Variants in FAM200A observed in about 807,000 individuals in gnomAD.
FAM200A encodes the protein ZBED8 like, also known as protein FAM200A.
In FAM200A, 26 loss-of-function variants were observed where a neutral mutation model predicts 44.2. The ratio of observed to expected loss-of-function variants is 0.59; its 90% CI spans 0.43 to 0.82. The LOEUF is 0.82. Among genes scored for constraint, FAM200A ranks in the 40% least tolerant of loss-of-function variants. The pLI is 0.00. For missense variants in FAM200A, 606 were observed against 669.5 expected (o/e 0.91, Z 1.05); for synonymous variants, 206 against 244.4 (o/e 0.84, Z 1.47).
At position 99,548,172 on chromosome 7, in the gene FAM200A, G is replaced by T. The variant is rs139116248; in HGVS notation, c.236C>A (p.Thr79Lys). Residue 79 changes from threonine (T) to lysine (K), a missense_variant, in exon 2 of 2, where the codon ACA becomes AAA. Coordinates refer to ENST00000449309, the MANE Select transcript of FAM200A (RefSeq NM_145111.4). ...YRVAKEKMAH[T>K]AAEKIILPAC... Reference sequence around the variant, plus strand: ...TGGAAGGATAATTTTTTCAGCCGCTGTGTGAGCCATTTTCTCTTTTGCCAC... The same window carrying T: ...TGGAAGGATAATTTTTTCAGCCGCTTTGTGAGCCATTTTCTCTTTTGCCAC... The T allele has an allele frequency of 8.4e-6, 13 of 1,554,272 alleles. No individual in the cohort carries two copies. The highest frequency in any genetic ancestry group is 1.1e-5 in the Non-Finnish European group (13 of 1,148,158).
intron 1 of FAM200A, 94 bp from the exon 2 acceptor site, chr7:99,548,600 T>A: frequency 1.9e-6 from 2 of 1,072,130 alleles, no homozygotes; most frequent in Non-Finnish European, 2.6e-6. Context: ...AATCTAGTGG[T>A]GTGACATGGT....
chr7:99,556,343 G>A (rs1051163028), upstream of FAM200A, among the ~76,000 whole-genome samples: 1 of 152,038 alleles, frequency 6.6e-6, no homozygotes, highest in African/African-American at 2.4e-5. Context: ...TATGAGCCAC[G>A]ACTTTGACTC....
upstream of FAM200A, among the ~76,000 whole-genome samples, chr7:99,556,618 AG>A (rs1802684099): frequency 1.3e-5 from 2 of 152,182 alleles, no homozygotes; most frequent in African/African-American, 4.8e-5. Context: ...CTGTACCTTT[AG>A]GAAAAAAATC....
At position 99,547,080 on chromosome 7, in the gene FAM200A, A is replaced by G. The variant is rs1030526178; in HGVS notation, c.1328T>C (p.Phe443Ser). 1 of 1,546,606 alleles carries G rather than the reference A, an allele frequency of 6.5e-7. No homozygotes were observed. Among genetic ancestry groups the G allele is most frequent in the Admixed American group, 2.0e-5 (1 of 50,190 alleles). Residue 443 changes from phenylalanine to serine, a missense_variant, in exon 2 of 2, where the codon TTT (phenylalanine) becomes TCT (serine). By Grantham distance (155) the Phe-to-Ser change is radical. Coordinates refer to ENST00000449309, the MANE Select transcript of FAM200A (RefSeq NM_145111.4). ...CCAAATATTTTCCTTTAATGATTCA[A>G]ATTTCTCTTCCGGAAAGTAATAATT... ...TFNYYFPEEK[F>S]ESLKENIWMK...
chr7:99,548,876 CTTTT>C (rs769162310), intron 1 of FAM200A, among the ~76,000 whole-genome samples: 2 of 91,376 alleles, frequency 2.2e-5, no homozygotes, highest in Admixed American at 1.4e-4. Context: ...TCTGGTCATT[CTTTT>C]TTTTTTTTTT....
At chr7:99,557,326 C>T (rs1802719114) in intron 1 of FAM200A, among the ~76,000 whole-genome samples, 1 of 152,170 alleles carries the variant, frequency 6.6e-6, no homozygotes, top group Admixed American at 6.5e-5. Flanking sequence ...GGTTTCCCAT[C>T]ACATTGCTAA....
chr7:99,557,046 A>G (rs1056150791), upstream of FAM200A, among the ~76,000 whole-genome samples: 3 of 152,218 alleles, frequency 2.0e-5, no homozygotes, highest in African/African-American at 7.2e-5. Context: ...AACAACAACA[A>G]AAAGACAAAA....
At position 99,548,025 on chromosome 7, in the gene FAM200A, G is replaced by C; in HGVS notation, c.383C>G (p.Ala128Gly). ...GGACTGCAGCCGTGTAATAAGCATTGCTTCCAAATGTTTTGCAATCGTACA... is the reference window on the plus strand; with the variant it reads ...GGACTGCAGCCGTGTAATAAGCATTCCTTCCAAATGTTTTGCAATCGTACA... ...RICTIAKHLE[A>G]MLITRLQSGI... The change falls in exon 2 of 2, where the codon GCA becomes GGA. Residue 128 changes from alanine to glycine, a missense_variant. Physicochemically the swap from Ala to Gly is moderately conservative, Grantham distance 60. Transcript: ENST00000449309. 1.3e-6 allele frequency: 2 copies of C among 1,551,498 alleles called. No individual in the cohort carries two copies. The highest frequency in any genetic ancestry group is 1.2e-5 in the South Asian group (1 of 84,040).
chr7:99,554,961 G>A (rs1021995672), upstream of FAM200A, among the ~76,000 whole-genome samples: 6 of 152,118 alleles, frequency 3.9e-5, no homozygotes, highest in African/African-American at 9.7e-5. Flanking sequence ...CGTGGGTTTT[G>A]TTTTTTTGCC....
chr7:99,551,468 G>A (rs916009868), intron 1 of FAM200A, among the ~76,000 whole-genome samples: 4 of 152,190 alleles, frequency 2.6e-5, no homozygotes, highest in African/African-American at 4.8e-5. Flanking sequence ...AAAGTGCTGG[G>A]ATTATGGGCG....
upstream of FAM200A, among the ~76,000 whole-genome samples, chr7:99,554,473 C>T (rs1165548028): frequency 8.0e-5 from 10 of 125,402 alleles, no homozygotes; most frequent in South Asian, 5.6e-4. Flanking sequence ...GGCGAGACTC[C>T]GTCTCAAAAA....
chr7:99,552,752 C>T (rs185174550), upstream of FAM200A, among the ~76,000 whole-genome samples: 35 of 152,056 alleles, frequency 2.3e-4, no homozygotes, highest in African/African-American at 8.2e-4. Flanking sequence ...TGGGGCATGA[C>T]TCTAAAAGTT....
rs550617016 is a variant in FAM200A at position 99,548,594 on chromosome 7, T to C, written c.-99-88A>G. The C allele has an allele frequency of 3.6e-6, 4 of 1,125,214 alleles. No individual in the cohort carries two copies. The African/African-American group carries it at 6.3e-5, about 18-fold the overall frequency. 69.7% of individuals were successfully genotyped at this position (1,125,214 alleles called of 1,614,324 possible). ...CTCATACAAAACAATTCACTAAATC[T>C]AGTGGTGTGACATGGTAAATGATGA... On this transcript the variant is annotated intron_variant, in intron 1 of 1. Transcript: ENST00000449309.
chr7:99,547,229 G>A lies in FAM200A; in HGVS notation c.1179C>T (p.Arg393=). ...ATGTTGGAAACATATAGTAGCTAGG[G>A]CGGTTACTTTTAAGTCTTGCTTGCC... ...LLWQARLKSN[R]PSYYMFPTLL... The change falls in exon 2 of 2, where the codon CGC becomes CGT. Residue 393 remains arginine (R), a synonymous_variant. Coordinates refer to ENST00000449309, the MANE Select transcript of FAM200A (RefSeq NM_145111.4). 1.3e-6 allele frequency: 2 copies of A among 1,551,244 alleles called. No individual in the cohort carries two copies. Among genetic ancestry groups the A allele is most frequent in the Non-Finnish European group, 1.7e-6 (2 of 1,146,886 alleles).
upstream of FAM200A, among the ~76,000 whole-genome samples, chr7:99,552,575 C>T (rs1047478024): frequency 6.6e-6 from 1 of 152,154 alleles, no homozygotes; most frequent in South Asian, 2.1e-4. Context: ...TTATAAAATT[C>T]TGAGTTTGCC....
At chr7:99,553,301 CTTT>C (rs1402922615), upstream of FAM200A, among the ~76,000 whole-genome samples, 6 of 151,428 alleles carry the variant, frequency 4.0e-5, no homozygotes, top group East Asian at 3.9e-4. Context: ...TATTTTTCTT[CTTT>C]GTCTAAAGTC....
chr7:99,546,848 GAATGGTAGTA>G lies in FAM200A; in HGVS notation c.1550_1559del (p.Leu517SerfsTer9). 6.4e-7 allele frequency: 1 copy of G among 1,551,490 alleles called. No individual in the cohort carries two copies. Among genetic ancestry groups the G allele is most frequent in the Non-Finnish European group, 8.7e-7 (1 of 1,146,964 alleles). On this transcript the variant is annotated frameshift_variant, in exon 2 of 2. Transcript: ENST00000449309. LOFTEE classifies it high-confidence loss of function. ...CTAGTTCACACAAATATGTAGTTGT[GAATGGTAGTA>G]ACAGCAATATACTCTTCCTACTTAG...
In FAM200A at chr7:99,548,305, G is replaced by A. The variant is rs770715477; in HGVS notation, c.103C>T (p.His35Tyr). The change falls in exon 2 of 2, where the codon CAT (histidine) becomes TAT (tyrosine). Residue 35 changes from histidine to tyrosine, a missense_variant. Physicochemically the swap from His to Tyr is moderately conservative, Grantham distance 83 (BLOSUM62 2). Transcript: ENST00000449309. ...ACTTTGTTTCTTTCCTTTTGAAAAT[G>A]GTCTTCTTCATCTTCCTCCTCCACC... is the stretch of plus-strand genomic sequence containing the variant. ...VKVEEEDEED[H>Y]FQKERNKVES... is the part of the protein sequence containing the mutation. 25 of 1,614,016 alleles carry A rather than the reference G, an allele frequency of 1.5e-5. No homozygotes were observed. Among genetic ancestry groups the A allele is most frequent in the Non-Finnish European group, 2.1e-5 (25 of 1,180,024 alleles).
rs1802391143 is a variant in FAM200A at position 99,546,627 on chromosome 7, G to GA, written c.*58_*59insT. ...CTGCCCACCTCGGTCTCCCACTGCTGGGATTACAGGCGTAAGCCACCACAC... is the reference window on the plus strand; with the variant it reads ...CTGCCCACCTCGGTCTCCCACTGCTGAGGATTACAGGCGTAAGCCACCACAC... On this transcript the variant is annotated 3_prime_UTR_variant, in exon 2 of 2. Transcript: ENST00000449309. The GA allele has an allele frequency of 5.6e-6, 8 of 1,437,258 alleles. No individual in the cohort carries two copies. In the East Asian group the frequency reaches 2.1e-4, roughly 38 times the overall value. The allele number at this position is 1,437,258 out of a possible 1,614,324, so 89.0% of individuals were successfully genotyped here.
Sources: gnomAD v4.1 joint callset for allele counts (sites outside exome capture counted in the v4.1 genomes callset) on GRCh38, gnomAD v4.1.1 for gene constraint, MANE v1.5 for transcripts, NCBI Gene and HGNC (gene_info 2026-07-23, HGNC 2026-07-21) for gene names.